NAALADL2: variants seen among roughly 807,000 people sequenced by gnomAD.
The protein encoded by NAALADL2 is N-acetylated alpha-linked acidic dipeptidase like 2.
NAALADL2 carries 76 observed loss-of-function variants against 87.2 expected under a neutral mutation model. The observed-to-expected ratio is 0.87, with a 90% CI of 0.72 to 1.05. The LOEUF is 1.05. Ranked by LOEUF, NAALADL2 falls within the 50% of genes least tolerant of loss-of-function variation. The pLI is 0.00. For synonymous variants in NAALADL2, 354 were observed against 331.0 expected (o/e 1.07, Z -0.75); for missense variants, 1,089 against 945.8 (o/e 1.15, Z -1.99).
At chr3:175,589,691 A>G (rs1009653939) in intron 10 of NAALADL2, among the ~76,000 whole-genome samples, 29 of 151,842 alleles carry the variant, frequency 1.9e-4, no homozygotes, top group African/African-American at 6.5e-4. Context: ...CCTTTTGTTG[A>G]GCATTTTTAG....
At chr3:175,747,671 G>A (rs928781481) in intron 12 of NAALADL2, among the ~76,000 whole-genome samples, 7 of 150,936 alleles carry the variant, frequency 4.6e-5, no homozygotes, top group African/African-American at 1.7e-4. Context: ...TCCTGGTTTA[G>A]CCAATACATA....
chr3:175,526,741 A>T (rs1733468531), intron 9 of NAALADL2, among the ~76,000 whole-genome samples: 1 of 152,110 alleles, frequency 6.6e-6, no homozygotes, highest in Non-Finnish European at 1.5e-5. Flanking sequence ...AAAGCCCACT[A>T]TTGTTCTGCT....
chr3:175,296,193 T>TA (rs1247072432), intron 4 of NAALADL2, among the ~76,000 whole-genome samples: 2 of 98,362 alleles, frequency 2.0e-5, no homozygotes, highest in Non-Finnish European at 5.0e-5. Context: ...TGTAGGAGGA[T>TA]TTTCAGTTGC....
chr3:175,652,371 C>T (rs998121035), intron 11 of NAALADL2, among the ~76,000 whole-genome samples: 1 of 152,042 alleles, frequency 6.6e-6, no homozygotes. Context: ...TTAGCAACAA[C>T]TCTCCCCTCA....
chr3:175,180,551 G>T (rs577130811), intron 2 of NAALADL2, among the ~76,000 whole-genome samples: 2 of 152,048 alleles, frequency 1.3e-5, no homozygotes, highest in South Asian at 4.1e-4. Flanking sequence ...AAAGTTCACA[G>T]TTCAGTTCCC....
intron 2 of NAALADL2, among the ~76,000 whole-genome samples, chr3:175,148,459 T>C (rs1731095317): frequency 6.6e-6 from 1 of 152,168 alleles, no homozygotes; most frequent in African/African-American, 2.4e-5. Context: ...GTCAATTTTC[T>C]CAATTTTTGT....
intron 1 of NAALADL2, among the ~76,000 whole-genome samples, chr3:174,879,179 A>G (rs1310512664): frequency 6.6e-6 from 1 of 152,044 alleles, no homozygotes; most frequent in East Asian, 1.9e-4. Context: ...TAGTTTATTC[A>G]TCTTAGTTAA....
At chr3:174,710,230 C>CT (rs57899491) in intron 2 of NAALADL2, among the ~76,000 whole-genome samples, 49,827 of 136,144 alleles carry the variant, frequency 0.37, 8,967 homozygotes, top group South Asian at 0.49. Flanking sequence ...TATGAGCCTC[C>CT]TTTTTTTTTT....
At chr3:175,778,499 C>G (rs1241063531) in intron 13 of NAALADL2, among the ~76,000 whole-genome samples, 1 of 152,190 alleles carries the variant, frequency 6.6e-6, no homozygotes, top group Non-Finnish European at 1.5e-5. Context: ...GATGGTCTCA[C>G]AGCTCTGTGT....
intron 1 of NAALADL2, among the ~76,000 whole-genome samples, chr3:175,061,604 C>G (rs1156495474): frequency 2.0e-5 from 3 of 151,836 alleles, no homozygotes; most frequent in African/African-American, 7.3e-5. Flanking sequence ...TAGCAGTGTC[C>G]AAATTTGAAT....
At chr3:175,441,671 TCACA>T (rs57990259) in intron 5 of NAALADL2, among the ~76,000 whole-genome samples, 51,295 of 148,484 alleles carry the variant, frequency 0.35, 9,276 homozygotes, top group African/African-American at 0.46. Context: ...GATCTCATGT[TCACA>T]CACACACACA....
intron 8 of NAALADL2, among the ~76,000 whole-genome samples, chr3:175,470,906 G>A (rs975885743): frequency 1.3e-5 from 2 of 152,108 alleles, no homozygotes; most frequent in Non-Finnish European, 2.9e-5. Flanking sequence ...ATTTTGTGCA[G>A]CGTAGCTCAT....
chr3:174,901,512 T>C (rs1464359424), intron 1 of NAALADL2, among the ~76,000 whole-genome samples: 1 of 152,178 alleles, frequency 6.6e-6, no homozygotes, highest in Non-Finnish European at 1.5e-5. Context: ...TTCAGGTAAA[T>C]GTCTTTGAAA....
chr3:175,665,092 A>G (rs1732771454), intron 11 of NAALADL2, among the ~76,000 whole-genome samples: 1 of 151,922 alleles, frequency 6.6e-6, no homozygotes. Context: ...CCAGCAATTT[A>G]TCTCACACCT....
Position 175,387,442 on chromosome 3 carries a change from C to A in NAALADL2, c.1091-59787C>A, listed in dbSNP as rs75240884. ...AGTGCTTGATTACTTCTCTTGTATC[C>A]ATTTTCAGATTGATACATTACTTCT... is the stretch of plus-strand genomic sequence containing the variant. On this transcript the variant is annotated intron_variant, in intron 5 of 13. Coordinates refer to ENST00000454872, the MANE Select transcript of NAALADL2 (RefSeq NM_207015.3). Among the ~76,000 whole-genome samples the A allele has an allele frequency of 3.4e-3, 517 of 152,086 alleles. 3 individuals are homozygous for A. The highest frequency in any genetic ancestry group is 0.033 in the East Asian group (172 of 5,166).
intron 10 of NAALADL2, among the ~76,000 whole-genome samples, chr3:175,593,981 C>CTTTT (rs11302779): frequency 6.7e-6 from 1 of 148,250 alleles, no homozygotes. Context: ...TGTTGCTATT[C>CTTTT]TTTTTTTTTT....
At chr3:175,386,710 TG>T (rs770073839) in intron 5 of NAALADL2, among the ~76,000 whole-genome samples, 8 of 152,086 alleles carry the variant, frequency 5.3e-5, no homozygotes, top group Non-Finnish European at 8.8e-5. Context: ...AATAATGAAG[TG>T]TTGTGTTGTC....
At chr3:175,095,493 T>C (rs1720989346) in intron 1 of NAALADL2, among the ~76,000 whole-genome samples, 1 of 152,066 alleles carries the variant, frequency 6.6e-6, no homozygotes. Flanking sequence ...GGGCAGCATA[T>C]GAAAATTCTA....
chr3:174,906,904 T>C (rs2108281913), intron 1 of NAALADL2, among the ~76,000 whole-genome samples: 1 of 152,270 alleles, frequency 6.6e-6, no homozygotes, highest in South Asian at 2.1e-4. Context: ...ATTTTTCTTA[T>C]GTGATCACTA....
Sources: gnomAD v4.1 joint callset for allele counts (sites outside exome capture counted in the v4.1 genomes callset) on GRCh38, gnomAD v4.1.1 for gene constraint, MANE v1.5 for transcripts, NCBI Gene and HGNC (gene_info 2026-07-23, HGNC 2026-07-21) for gene names.